The following RNF144A variants were observed in gnomAD, a reference collection of about 807,000 sequenced individuals.
RNF144A encodes the protein E3 ubiquitin-protein ligase RNF144A.
A neutral mutation model predicts 38.7 loss-of-function variants in RNF144A; 11 were observed. The ratio of observed to expected loss-of-function variants is 0.28; its 90% confidence interval spans 0.18 to 0.47. The LOEUF (loss-of-function observed/expected upper bound fraction) is 0.47. RNF144A is among the 20% of genes least tolerant of loss of function. The pLI, the probability that RNF144A is intolerant of heterozygous loss-of-function variation, is 0.99. For synonymous variants in RNF144A, 149 were observed against 143.9 expected, an observed-to-expected ratio of 1.04 and a Z score of -0.25; for missense variants, 316 against 377.2, an observed-to-expected ratio of 0.84 and a Z score of 1.34.
chr2:6,968,539 G>C (rs1167741405), intron 2 of RNF144A, among the ~76,000 whole-genome samples: 1 of 152,198 alleles, frequency 6.6e-6, no homozygotes, highest in East Asian at 1.9e-4. Context: ...AGTCCTGGGG[G>C]CCTATGCCTG....
At chr2:7,069,459 A>G (rs1184640031), downstream of RNF144A, among the ~76,000 whole-genome samples, 6 of 152,194 alleles carry the variant, frequency 3.9e-5, no homozygotes, top group Non-Finnish European at 7.4e-5. Flanking sequence ...AGTGGCTTCA[A>G]TACCTTCATT....
At chr2:7,061,920 A>T (rs1204249945) in intron 6 of RNF144A, among the ~76,000 whole-genome samples, 1 of 152,218 alleles carries the variant, frequency 6.6e-6, no homozygotes, top group African/African-American at 2.4e-5. Context: ...TACACAGAAA[A>T]GAGGTAAGAG....
At chr2:7,015,017 G>T (rs1216568896) in intron 5 of RNF144A, among the ~76,000 whole-genome samples, 1 of 152,206 alleles carries the variant, frequency 6.6e-6, no homozygotes, top group Non-Finnish European at 1.5e-5. Flanking sequence ...TGTTTATAAG[G>T]ATTGAGGCTC....
rs1673071057 is a variant in RNF144A, at chr2:7,041,972, G to A, written c.*2212G>A. On this transcript the variant is annotated 3_prime_UTR_variant, in exon 9 of 9. Coordinates refer to ENST00000320892, the MANE Select transcript of RNF144A (RefSeq NM_014746.6). ...CCATCCTTGTGCCTTCACCTCTGATGTGTTTCACAAGCACGTAGTTCAACC... is the reference window on the plus strand; with the variant it reads ...CCATCCTTGTGCCTTCACCTCTGATATGTTTCACAAGCACGTAGTTCAACC... The A allele has an allele frequency of 1.0e-6, 1 of 985,368 alleles. No individual in the cohort carries two copies. Among genetic ancestry groups the A allele is most frequent in the Non-Finnish European group, 1.2e-6 (1 of 829,930 alleles). 61.0% of individuals were successfully genotyped at this position (985,368 alleles called of 1,614,324 possible).
At chr2:6,960,665 G>A (rs950033936) in intron 2 of RNF144A, among the ~76,000 whole-genome samples, 8 of 152,178 alleles carry the variant, frequency 5.3e-5, no homozygotes, top group African/African-American at 9.7e-5. Context: ...TCATCTCACC[G>A]TGAGGGGAGG....
In RNF144A at chr2:7,058,702, T is replaced by G. The variant is rs116717435; in HGVS notation, c.735-9514T>G. Among the ~76,000 whole-genome samples, 561 of 152,342 alleles carry G rather than the reference T, an allele frequency of 3.7e-3. 5 individuals carry two copies. Among genetic ancestry groups the G allele is most frequent in the African/African-American group, 0.013 (543 of 41,576 alleles). Reference sequence around the variant, plus strand: ...ATCTCCTCTATTATGTCAGAGATTTTTATATTGGTTGGTTTTCATCAGAAT... The same window carrying G: ...ATCTCCTCTATTATGTCAGAGATTTGTATATTGGTTGGTTTTCATCAGAAT... On this transcript the variant is annotated intron_variant, in intron 6 of 6. Coordinates refer to the RNF144A transcript ENST00000432850.
rs1400823960 is a variant in RNF144A, at chr2:7,043,974, T to C, written c.*4214T>C. Reference sequence around the variant, plus strand: ...GTGTTTTTGAAATGTCAGTACATTTTGTGCCACTAACACTGTGATGTATAA... The same window carrying C: ...GTGTTTTTGAAATGTCAGTACATTTCGTGCCACTAACACTGTGATGTATAA... On this transcript the variant is annotated 3_prime_UTR_variant, in exon 9 of 9. Coordinates refer to ENST00000320892, the MANE Select transcript of RNF144A (RefSeq NM_014746.6). 35 of 985,794 alleles carry C rather than the reference T, an allele frequency of 3.6e-5. No homozygotes were observed. Among genetic ancestry groups the C allele is most frequent in the Non-Finnish European group, 4.0e-5 (33 of 829,922 alleles). 61.1% of individuals were successfully genotyped at this position (985,794 alleles called of 1,614,324 possible).
At chr2:7,014,096 AG>A (rs1670986411) in intron 3 of RNF144A, among the ~76,000 whole-genome samples, 1 of 152,238 alleles carries the variant, frequency 6.6e-6, no homozygotes, top group African/African-American at 2.4e-5. Flanking sequence ...TATTTAATGC[AG>A]TGCCTGCATC....
chr2:6,926,711 T>C (rs919597774), intron 1 of RNF144A, among the ~76,000 whole-genome samples: 1 of 152,246 alleles, frequency 6.6e-6, no homozygotes, highest in Non-Finnish European at 1.5e-5. Flanking sequence ...TTGAAATGAA[T>C]CTGCGTCTTT....
intron 2 of RNF144A, among the ~76,000 whole-genome samples, chr2:6,987,353 C>T (rs539331851): frequency 6.6e-6 from 1 of 152,198 alleles, no homozygotes; most frequent in Admixed American, 6.5e-5. Flanking sequence ...TCATTTTCAG[C>T]AGGGTTTCTG....
At chr2:7,033,302 C>G (rs146600988) in intron 8 of RNF144A, among the ~76,000 whole-genome samples, 1 of 152,256 alleles carries the variant, frequency 6.6e-6, no homozygotes, top group Non-Finnish European at 1.5e-5. Flanking sequence ...CCTGCAGGCC[C>G]GTGCCCCATG....
chr2:6,996,848 A>G (rs938942924), intron 2 of RNF144A, 68 bp from the exon 3 acceptor site: 10 of 1,525,772 alleles, frequency 6.6e-6, no homozygotes, highest in Non-Finnish European at 9.0e-6. Context: ...AGCCAGGAGA[A>G]CCTTGCCACG....
intron 6 of RNF144A, among the ~76,000 whole-genome samples, chr2:7,049,182 TG>T (rs1673422905): frequency 6.6e-6 from 1 of 151,984 alleles, no homozygotes; most frequent in African/African-American, 2.4e-5. Flanking sequence ...CGGGGGCTGT[TG>T]GGGGATGGGC....
chr2:7,051,626 C>A (rs538706185), intron 6 of RNF144A, among the ~76,000 whole-genome samples: 1 of 152,180 alleles, frequency 6.6e-6, no homozygotes, highest in Non-Finnish European at 1.5e-5. Flanking sequence ...CAGTGGCTCA[C>A]GCCTGTAATC....
chr2:7,066,763 G>T (rs2103483123), intron 6 of RNF144A, among the ~76,000 whole-genome samples: 1 of 152,300 alleles, frequency 6.6e-6, no homozygotes, highest in African/African-American at 2.4e-5. Context: ...TCTTCCGGGT[G>T]AATAAAGAGT....
chr2:6,921,370 G>A (rs1169870230), intron 1 of RNF144A, among the ~76,000 whole-genome samples: 1 of 152,196 alleles, frequency 6.6e-6, no homozygotes, highest in Non-Finnish European at 1.5e-5. Flanking sequence ...ATCATCTCAG[G>A]TGTGTTTGGC....
Position 7,014,576 on chromosome 2 carries a change from GA to G in RNF144A, c.240+19del, listed in dbSNP as rs1558432680. 1 of 1,579,414 alleles carries G rather than the reference GA, an allele frequency of 6.3e-7. No individual in the cohort carries two copies. ...AGAACGAGGCATGTGCAATTGAACA[GA>G]CTGGGCTGTTTGATGTGCACAGGCG... is the stretch of plus-strand genomic sequence containing the variant. On this transcript the variant is annotated intron_variant, in intron 4 of 8. Transcript: ENST00000320892.
intron 3 of RNF144A, among the ~76,000 whole-genome samples, chr2:7,006,631 C>A (rs1670459584): frequency 6.6e-6 from 1 of 152,160 alleles, no homozygotes; most frequent in Non-Finnish European, 1.5e-5. Context: ...CTGCCTCCCT[C>A]CCTCACTGGG....
chr2:6,981,673 A>G (rs1213293676), intron 2 of RNF144A, among the ~76,000 whole-genome samples: 1 of 152,194 alleles, frequency 6.6e-6, no homozygotes. Flanking sequence ...GTCTCTAGGA[A>G]GTTCCAAACT....
Sources: gnomAD v4.1 joint callset for allele counts (sites outside exome capture counted in the v4.1 genomes callset) on GRCh38, gnomAD v4.1.1 for gene constraint, MANE v1.5 for transcripts, NCBI Gene and HGNC (gene_info 2026-07-23, HGNC 2026-07-21) for gene names.